PPA2: variants seen among roughly 807,000 people sequenced by gnomAD.
PPA2 encodes the protein inorganic pyrophosphatase 2, mitochondrial.
In PPA2, 48 loss-of-function variants were observed where a neutral mutation model predicts 49.5. The ratio of observed to expected loss-of-function variants is 0.97; its 90% CI spans 0.77 to 1.23. The LOEUF (loss-of-function observed/expected upper bound fraction) is 1.23, where lower values mean the gene tolerates loss of function less well. Among genes scored for constraint, PPA2 ranks in the 50% most tolerant of loss-of-function variants. PPA2 has a pLI of 0.00. For synonymous variants in PPA2, 131 were observed against 139.9 expected, an observed-to-expected ratio of 0.94 and a Z score of 0.45; for missense variants, 429 against 410.1, an observed-to-expected ratio of 1.05 and a Z score of -0.40.
At chr4:105,410,843 C>A (rs971523622) in intron 7 of PPA2, among the ~76,000 whole-genome samples, 1 of 152,112 alleles carries the variant, frequency 6.6e-6, no homozygotes, top group Admixed American at 6.5e-5. Context: ...GAAACAAAAT[C>A]CTTTACAGAC....
chr4:105,411,492 G>A (rs936712898), intron 7 of PPA2, among the ~76,000 whole-genome samples: 6 of 152,104 alleles, frequency 3.9e-5, no homozygotes, highest in African/African-American at 1.4e-4. Context: ...CATACTGAAT[G>A]GGCAAAAACT....
intron 6 of PPA2, among the ~76,000 whole-genome samples, chr4:105,435,639 A>G (rs534677300): frequency 4.5e-4 from 69 of 152,318 alleles, no homozygotes; most frequent in African/African-American, 1.5e-3. Flanking sequence ...CAGGAATGCA[A>G]GGATGGTTGA....
chr4:105,442,030 G>A (rs1484119834), intron 5 of PPA2, among the ~76,000 whole-genome samples: 2 of 150,454 alleles, frequency 1.3e-5, no homozygotes, highest in Non-Finnish European at 3.0e-5. Context: ...TTTAAGAGAG[G>A]GTTTCACTCT....
chr4:105,452,914 A>C lies in PPA2; in HGVS notation c.267+684T>G, dbSNP rs1054045303. On this transcript the variant is annotated intron_variant, in intron 3 of 11. Coordinates refer to ENST00000341695, the MANE Select transcript of PPA2 (RefSeq NM_176869.3). Reference sequence around the variant, plus strand: ...AATATATTCATTTTAGCATACATTTAGAATATATATATTTAGAATATATTC... The same window carrying C: ...AATATATTCATTTTAGCATACATTTCGAATATATATATTTAGAATATATTC... Among the ~76,000 whole-genome samples, 6 of 111,930 alleles carry C rather than the reference A, an allele frequency of 5.4e-5. 1 individual carries two copies. The highest frequency in any genetic ancestry group is 5.0e-4 in the Admixed American group (6 of 12,052). 73.4% of individuals were successfully genotyped at this position (111,930 alleles called of 152,430 possible). A position where few individuals can be genotyped will look rare whatever the true frequency, so the allele number is the denominator to read the frequency against.
Position 105,424,317 on chromosome 4 carries a change from A to C in PPA2, c.534T>G (p.Leu178=), listed in dbSNP as rs1723390715. ...IDVCEIGSKI[L]SCGEVIHVKI... Reference sequence around the variant, plus strand: ...TCACATGAATAACTTCTCCACAAGAAAGAATCTTTAAAGAAAAAAGAAATT... The same window carrying C: ...TCACATGAATAACTTCTCCACAAGACAGAATCTTTAAAGAAAAAAGAAATT... Residue 178 remains leucine, a synonymous_variant, in exon 7 of 12, where the codon CTT becomes CTG. Transcript: ENST00000341695. 2 of 1,586,744 alleles carry C rather than the reference A, an allele frequency of 1.3e-6. No homozygotes were observed. Among genetic ancestry groups the C allele is most frequent in the East Asian group, 4.5e-5 (2 of 44,446 alleles).
intron 7 of PPA2, among the ~76,000 whole-genome samples, chr4:105,419,301 T>A (rs1723148091): frequency 6.6e-6 from 1 of 152,148 alleles, no homozygotes; most frequent in African/African-American, 2.4e-5. Flanking sequence ...ATGCTATTCC[T>A]CCCCGCTCCC....
chr4:105,423,859 C>T (rs1723363297), intron 7 of PPA2, among the ~76,000 whole-genome samples: 1 of 152,004 alleles, frequency 6.6e-6, no homozygotes, highest in African/African-American at 2.4e-5. Flanking sequence ...GTATCGTATG[C>T]TTTTATTCCT....
intron 3 of PPA2, 33 bp downstream of exon 3, chr4:105,453,565 G>C: frequency 6.6e-7 from 1 of 1,508,654 alleles, no homozygotes; most frequent in East Asian, 2.3e-5. Flanking sequence ...CAATATAAAA[G>C]TGATTCACAA....
intron 6 of PPA2, among the ~76,000 whole-genome samples, chr4:105,437,238 A>G (rs76997917): frequency 0.036 from 5,026 of 140,326 alleles, 275 homozygotes; most frequent in African/African-American, 0.12. Context: ...ACCACATTGA[A>G]AGTTTTTATG....
At chr4:105,450,358 A>ATCTGAAT (rs1722611852) in intron 3 of PPA2, among the ~76,000 whole-genome samples, 1 of 151,830 alleles carries the variant, frequency 6.6e-6, no homozygotes, top group Non-Finnish European at 1.5e-5. Flanking sequence ...AAAAATTGGA[A>ATCTGAAT]TCTGAATTAC....
Position 105,435,643 on chromosome 4 carries a change from T to C in PPA2, c.528+2307A>G, listed in dbSNP as rs558155701. Among the ~76,000 whole-genome samples, 4 of 152,300 alleles carry C rather than the reference T, an allele frequency of 2.6e-5. No individual in the cohort carries two copies. In the South Asian group the frequency reaches 8.3e-4, roughly 32 times the overall value. On this transcript the variant is annotated intron_variant, in intron 6 of 11. Transcript: ENST00000341695. ...AGGGTTTATTCCAGGAATGCAAGGA[T>C]GGTTGAACATATGCAAATCAATAAA... is the stretch of plus-strand genomic sequence containing the variant.
chr4:105,381,826 T>C (rs955749715), intron 10 of PPA2, among the ~76,000 whole-genome samples: 5 of 152,188 alleles, frequency 3.3e-5, no homozygotes, highest in African/African-American at 1.2e-4. Context: ...TTTGTTTTAG[T>C]TGATCCTGTC....
intron 7 of PPA2, among the ~76,000 whole-genome samples, chr4:105,422,040 C>CA (rs958672735): frequency 1.3e-4 from 20 of 149,416 alleles, no homozygotes; most frequent in Non-Finnish European, 2.2e-4. Flanking sequence ...GAGACTGCCT[C>CA]AAAAAAAAAC....
chr4:105,379,947 T>C (rs1733419818), intron 10 of PPA2, among the ~76,000 whole-genome samples: 1 of 152,176 alleles, frequency 6.6e-6, no homozygotes, highest in African/African-American at 2.4e-5. Context: ...AATTGTTTGC[T>C]ATATTAATCT....
At chr4:105,418,251 T>C (rs1208823697) in intron 7 of PPA2, among the ~76,000 whole-genome samples, 1 of 152,210 alleles carries the variant, frequency 6.6e-6, no homozygotes, top group Non-Finnish European at 1.5e-5. Context: ...TCCCTTAAGA[T>C]CACTATGCTA....
intron 7 of PPA2, among the ~76,000 whole-genome samples, chr4:105,409,555 G>A (rs1722653681): frequency 1.3e-5 from 2 of 152,208 alleles, no homozygotes; most frequent in Non-Finnish European, 2.9e-5. Context: ...CCAGCACAGC[G>A]TTTGAACTCT....
rs1733686969 is a variant in PPA2 at position 105,386,469 on chromosome 4, G to A, written c.939+98C>T. 2.8e-5 allele frequency: 30 copies of A among 1,055,372 alleles called. No homozygotes were observed. The South Asian group carries it at 4.6e-4, about 16-fold the overall frequency. 65.4% of individuals were successfully genotyped at this position (1,055,372 alleles called of 1,614,324 possible). A position where few individuals can be genotyped will look rare whatever the true frequency, so the allele number is the denominator to read the frequency against. ...TCTGTAAACTTTATGCTTCTCAAAA[G>A]GACTTGACACATTTCATTGCTAGAG... On this transcript the variant is annotated intron_variant, in intron 10 of 11. Transcript: ENST00000341695.
intron 5 of PPA2, among the ~76,000 whole-genome samples, chr4:105,440,953 C>T (rs1367120471): frequency 6.6e-6 from 1 of 152,176 alleles, no homozygotes; most frequent in African/African-American, 2.4e-5. Context: ...TTATTTCCAA[C>T]CTTTAATACT....
intron 7 of PPA2, among the ~76,000 whole-genome samples, chr4:105,415,280 A>T (rs1171118214): frequency 6.6e-6 from 1 of 152,012 alleles, no homozygotes; most frequent in Non-Finnish European, 1.5e-5. Flanking sequence ...TACATCATCC[A>T]CTGTACCCAG....
Sources: gnomAD v4.1 joint callset for allele counts (sites outside exome capture counted in the v4.1 genomes callset) on GRCh38, gnomAD v4.1.1 for gene constraint, MANE v1.5 for transcripts, NCBI Gene and HGNC (gene_info 2026-07-23, HGNC 2026-07-21) for gene names.